The following ZYG11A variants were observed in gnomAD, a reference collection of about 807,000 sequenced individuals.
ZYG11A encodes the protein zyg-11 family member A, cell cycle regulator.
Under a neutral mutation model 77.2 loss-of-function variants are expected in ZYG11A, and 62 were observed. The observed-to-expected ratio is 0.80, with a 90% CI of 0.65 to 0.99. ZYG11A has a LOEUF of 0.99. Among genes scored for constraint, ZYG11A ranks in the 50% least tolerant of loss-of-function variants. ZYG11A has a pLI of 0.00. For synonymous variants in ZYG11A, 315 were observed against 324.6 expected, an observed-to-expected ratio of 0.97 and a Z score of 0.32; for missense variants, 828 against 896.8, an observed-to-expected ratio of 0.92 and a Z score of 0.98.
intron 11 of ZYG11A, among the ~76,000 whole-genome samples, chr1:52,883,092 T>C (rs1485519007): frequency 6.6e-6 from 1 of 152,022 alleles, no homozygotes; most frequent in East Asian, 1.9e-4. Context: ...TTGAACGTAA[T>C]AATGATAATT....
chr1:52,891,815 C>CT (rs1452704925), intron 13 of ZYG11A, among the ~76,000 whole-genome samples: 2 of 151,160 alleles, frequency 1.3e-5, no homozygotes, highest in African/African-American at 4.9e-5. Context: ...CTGAAGTGCT[C>CT]TTTGTTTCCA....
intron 4 of ZYG11A, among the ~76,000 whole-genome samples, chr1:52,861,309 A>G (rs894922551): frequency 5.9e-5 from 9 of 152,146 alleles, no homozygotes; most frequent in Non-Finnish European, 1.2e-4. Context: ...GGGAAAGAAA[A>G]CTTCAGTTAT....
chr1:52,877,905 T>G lies in ZYG11A; in HGVS notation c.1705-20T>G, dbSNP rs1284852168. On this transcript the variant is annotated intron_variant, in intron 9 of 13. Coordinates refer to ENST00000371528, the MANE Select transcript of ZYG11A (RefSeq NM_001004339.3). ...TCTCTTCATGATAAAGTAACCTGTA[T>G]GTATATATTTTTTTGACAGACCTTT... is the stretch of plus-strand genomic sequence containing the variant. The G allele has an allele frequency of 2.6e-6, 4 of 1,551,454 alleles. No homozygotes were observed. Among genetic ancestry groups the G allele is most frequent in the Non-Finnish European group, 3.5e-6 (4 of 1,146,928 alleles).
intron 11 of ZYG11A, 159 bp downstream of exon 11, chr1:52,881,824 C>A: frequency 1.8e-6 from 1 of 550,142 alleles, no homozygotes; most frequent in Admixed American, 3.7e-5. Flanking sequence ...TCTCTGTTAA[C>A]ATTTTGTTGC....
rs1646591685 is a variant in ZYG11A at position 52,894,342 on chromosome 1, T to A, written c.*1385T>A. ...CCAGAAAGAGACTTTGCCAGAGAGT[T>A]CACGGAGTTTTCTTACCCCGCATGC... On this transcript the variant is annotated 3_prime_UTR_variant, in exon 14 of 14. Transcript: ENST00000371528. The A allele has an allele frequency of 6.6e-6, 1 of 152,186 alleles. No individual in the cohort carries two copies. The highest frequency in any genetic ancestry group is 2.1e-4 in the South Asian group (1 of 4,824). The allele number at this position is 152,186 out of a possible 1,614,324, so 9.4% of individuals were successfully genotyped here. A position where few individuals can be genotyped will look rare whatever the true frequency, so the allele number is the denominator to read the frequency against.
chr1:52,842,819 C>G lies in ZYG11A; in HGVS notation c.-65C>G. The G allele has an allele frequency of 1.4e-6, 2 of 1,467,122 alleles. No homozygotes were observed. The highest frequency in any genetic ancestry group is 1.8e-6 in the Non-Finnish European group (2 of 1,090,262). The allele number at this position is 1,467,122 out of a possible 1,614,324, so 90.9% of individuals were successfully genotyped here. ...CGTCCTGGCAGCCGCCCGCTTGGTT[C>G]TCGCGGGATCCGGGCTCCGGCTCGA... is the stretch of plus-strand genomic sequence containing the variant. On this transcript the variant is annotated 5_prime_UTR_variant, in exon 1 of 14. Transcript: ENST00000371528.
At chr1:52,888,571 T>G (rs970083476) in intron 13 of ZYG11A, among the ~76,000 whole-genome samples, 3 of 152,344 alleles carry the variant, frequency 2.0e-5, no homozygotes, top group Non-Finnish European at 4.4e-5. Flanking sequence ...TTGGCCAGGC[T>G]GGTCTCGAAC....
chr1:52,879,747 CTTATTTATTTATTTAT>C lies in ZYG11A; in HGVS notation c.1750-1701_1750-1686del, dbSNP rs138737616. Among the ~76,000 whole-genome samples, 44 of 143,054 alleles carry C rather than the reference CTTATTTATTTATTTAT, an allele frequency of 3.1e-4. No individual in the cohort carries two copies. The East Asian group carries it at 7.1e-3, about 23-fold the overall frequency. The allele number at this position is 143,054 out of a possible 152,430, so 93.8% of individuals were successfully genotyped here. ...CTGACCTAAAAGATCTTCCACTTTT[CTTATTTATTTATTTAT>C]TTATTTATTTATTTATTTATTTTTG... is the stretch of plus-strand genomic sequence containing the variant. On this transcript the variant is annotated intron_variant, in intron 10 of 13. Transcript: ENST00000371528.
At chr1:52,876,681 C>T (rs1478906038) in intron 8 of ZYG11A, among the ~76,000 whole-genome samples, 1 of 152,156 alleles carries the variant, frequency 6.6e-6, no homozygotes, top group African/African-American at 2.4e-5. Context: ...TGAGTGCACC[C>T]GTCTCATCTA....
chr1:52,878,968 A>C (rs900980800), intron 10 of ZYG11A, among the ~76,000 whole-genome samples: 2 of 147,988 alleles, frequency 1.4e-5, no homozygotes, highest in East Asian at 1.9e-4. Context: ...AAAAAAAAAA[A>C]AAAAAAACAA....
intron 8 of ZYG11A, among the ~76,000 whole-genome samples, chr1:52,871,567 G>T (rs1484185619): frequency 1.3e-5 from 2 of 151,570 alleles, no homozygotes; most frequent in Non-Finnish European, 2.9e-5. Flanking sequence ...CGCCATCTCG[G>T]CTCACTGCAA....
At chr1:52,850,205 C>T (rs1645681463) in intron 1 of ZYG11A, among the ~76,000 whole-genome samples, 1 of 152,034 alleles carries the variant, frequency 6.6e-6, no homozygotes, top group Non-Finnish European at 1.5e-5. Context: ...GGCTGGAGTG[C>T]AGTGGCACAA....
chr1:52,891,466 G>A (rs113587291), intron 13 of ZYG11A, among the ~76,000 whole-genome samples: 8 of 151,866 alleles, frequency 5.3e-5, no homozygotes, highest in East Asian at 1.9e-4. Flanking sequence ...TTTTGTATTC[G>A]CTTCTGTGAA....
intron 2 of ZYG11A, among the ~76,000 whole-genome samples, chr1:52,856,507 C>G (rs1052637535): frequency 1.3e-5 from 2 of 150,938 alleles, no homozygotes; most frequent in Non-Finnish European, 2.9e-5. Flanking sequence ...AATAGGACAA[C>G]CCATTCGTTT....
chr1:52,851,752 A>AT (rs879432553), intron 1 of ZYG11A, among the ~76,000 whole-genome samples: 13 of 150,018 alleles, frequency 8.7e-5, no homozygotes, highest in African/African-American at 2.9e-4. Flanking sequence ...TATCTTACTT[A>AT]TTTTTTATTT....
chr1:52,843,629 CA>C (rs1408776189), intron 1 of ZYG11A, among the ~76,000 whole-genome samples: 2 of 152,148 alleles, frequency 1.3e-5, no homozygotes, highest in Non-Finnish European at 2.9e-5. Flanking sequence ...AATGCAAACC[CA>C]AAGAATGTGT....
At chr1:52,843,356 C>T (rs551493894) in intron 1 of ZYG11A, among the ~76,000 whole-genome samples, 7 of 152,276 alleles carry the variant, frequency 4.6e-5, no homozygotes, top group African/African-American at 1.4e-4. Flanking sequence ...CCGTAGTGGA[C>T]GGTGTTTTTG....
intron 8 of ZYG11A, among the ~76,000 whole-genome samples, chr1:52,869,099 T>G (rs1407122745): frequency 6.6e-6 from 1 of 152,176 alleles, no homozygotes; most frequent in African/African-American, 2.4e-5. Flanking sequence ...AGTGCTGGGA[T>G]TACAGGAGTG....
intron 1 of ZYG11A, among the ~76,000 whole-genome samples, 180 bp downstream of exon 1, chr1:52,843,153 G>A (rs895340430): frequency 6.6e-6 from 1 of 151,954 alleles, no homozygotes; most frequent in Non-Finnish European, 1.5e-5. Flanking sequence ...TGCGTTGTCG[G>A]GGGAGGCGGC....
Sources: gnomAD v4.1 joint callset for allele counts (sites outside exome capture counted in the v4.1 genomes callset) on GRCh38, gnomAD v4.1.1 for gene constraint, MANE v1.5 for transcripts, NCBI Gene and HGNC (gene_info 2026-07-23, HGNC 2026-07-21) for gene names.